DNAJC27: variants seen among roughly 807,000 people sequenced by gnomAD.
The protein encoded by DNAJC27 is dnaJ homolog subfamily C member 27.
A neutral mutation model predicts 31.4 loss-of-function variants in DNAJC27; 25 were observed. The observed-to-expected ratio is 0.80, with a 90% CI of 0.58 to 1.11. The LOEUF is 1.11. DNAJC27 is among the 50% of genes most tolerant of loss of function. The pLI, the probability that DNAJC27 is intolerant of heterozygous loss-of-function variation, is 0.00. For missense variants in DNAJC27, 356 were observed against 347.3 expected, an observed-to-expected ratio of 1.02 and a Z score of -0.20; for synonymous variants, 106 against 112.7, an observed-to-expected ratio of 0.94 and a Z score of 0.37.
chr2:24,969,795 A>G (rs537438949), intron 1 of DNAJC27, among the ~76,000 whole-genome samples: 1 of 152,296 alleles, frequency 6.6e-6, no homozygotes, highest in African/African-American at 2.4e-5. Flanking sequence ...ATATTTTTAA[A>G]TGGCTGATAC....
At chr2:24,949,745 G>A (rs1490356857) in intron 6 of DNAJC27, among the ~76,000 whole-genome samples, 1 of 152,106 alleles carries the variant, frequency 6.6e-6, no homozygotes, top group East Asian at 1.9e-4. Context: ...GGAGCCCTAA[G>A]TTTCTTCTTT....
intron 5 of DNAJC27, 23 bp from the exon 6 acceptor site, chr2:24,951,577 A>G: frequency 6.3e-7 from 1 of 1,583,436 alleles, no homozygotes; most frequent in Non-Finnish European, 8.6e-7. Flanking sequence ...AACATAACCC[A>G]GGGTAGAAAT....
chr2:24,971,653 G>A (rs12105953), intron 1 of DNAJC27, 165 bp downstream of exon 1: 5,557 of 548,896 alleles, frequency 0.01, 171 homozygotes, highest in African/African-American at 0.081. Flanking sequence ...GGTCAAAAAG[G>A]TCGGGGAGTT....
intron 5 of DNAJC27, chr2:24,953,613 C>A (rs545185090): frequency 3.9e-4 from 175 of 445,636 alleles, no homozygotes; most frequent in Middle Eastern, 2.2e-3. Context: ...CTAATTTATC[C>A]ATTAGTTCTA....
At chr2:24,967,442 T>C (rs1437153129) in intron 1 of DNAJC27, 149 bp from the exon 2 acceptor site, 9 of 634,154 alleles carry the variant, frequency 1.4e-5, no homozygotes, top group Non-Finnish European at 2.5e-5. Flanking sequence ...GGCTCACGCC[T>C]GTCATCTCAG....
At position 24,971,850 on chromosome 2, in the gene DNAJC27, CTT is replaced by C. The variant is rs760653495; in HGVS notation, c.53_54del (p.Lys18SerfsTer20). On this transcript the variant is annotated frameshift_variant, in exon 1 of 7. Coordinates refer to ENST00000264711, the MANE Select transcript of DNAJC27 (RefSeq NM_016544.3). LOFTEE classifies it high-confidence loss of function. ...RKEPGRSLRI[K>X]VISMGNAEVG... The stretch of plus-strand genomic sequence containing the variant: ...ACTTCGGCGTTGCCCATGGAGATGA[CTT>C]TGATGCGGAGAGACCTGCCGGGCTC... The C allele has an allele frequency of 3.5e-5, 57 of 1,609,442 alleles. No homozygotes were observed. The highest frequency in any genetic ancestry group is 4.8e-5 in the Non-Finnish European group (56 of 1,178,342).
At chr2:24,951,849 C>A (rs1304191399) in intron 5 of DNAJC27, among the ~76,000 whole-genome samples, 4 of 152,082 alleles carry the variant, frequency 2.6e-5, no homozygotes, top group African/African-American at 7.2e-5. Context: ...TGGCTCACAC[C>A]TGTAATCCCA....
At chr2:24,965,896 T>G (rs1429307834) in intron 2 of DNAJC27, among the ~76,000 whole-genome samples, 1 of 152,152 alleles carries the variant, frequency 6.6e-6, no homozygotes, top group African/African-American at 2.4e-5. Context: ...ACAATAAATA[T>G]TTATTGAGTA....
intron 6 of DNAJC27, among the ~76,000 whole-genome samples, chr2:24,948,627 G>A (rs969466461): frequency 6.6e-6 from 1 of 152,160 alleles, no homozygotes; most frequent in South Asian, 2.1e-4. Context: ...CCAATCCGGC[G>A]GTTCCGATAA....
chr2:24,965,709 C>T (rs1666164680), intron 2 of DNAJC27, among the ~76,000 whole-genome samples: 1 of 152,196 alleles, frequency 6.6e-6, no homozygotes, highest in Non-Finnish European at 1.5e-5. Flanking sequence ...GAGTTTTACT[C>T]TACCATTTAC....
intron 2 of DNAJC27, 129 bp downstream of exon 2, chr2:24,967,082 T>C: frequency 1.4e-6 from 1 of 703,474 alleles, no homozygotes; most frequent in Non-Finnish European, 2.5e-6. Context: ...TATTCCTATC[T>C]TTCCCAACTT....
chr2:24,949,279 G>A (rs986509256), intron 6 of DNAJC27, among the ~76,000 whole-genome samples: 6 of 152,120 alleles, frequency 3.9e-5, no homozygotes, highest in East Asian at 1.9e-4. Flanking sequence ...CAAAGACCCC[G>A]TGTCCTTGAG....
rs1446595837 is a variant in DNAJC27, at chr2:24,947,609, G to C, written c.*7C>G. On this transcript the variant is annotated 3_prime_UTR_variant, in exon 7 of 7. Coordinates refer to ENST00000264711, the MANE Select transcript of DNAJC27 (RefSeq NM_016544.3). ...TGAGTCCCACATGTGGCTTTTTTCT[G>C]TACTTTCTACTTGATGTTTTTCAGG... 8 of 1,596,236 alleles carry C rather than the reference G, an allele frequency of 5.0e-6. No homozygotes were observed. The Admixed American group carries it at 1.4e-4, about 27-fold the overall frequency.
intron 3 of DNAJC27, chr2:24,958,595 T>A: frequency 2.4e-6 from 1 of 414,172 alleles, no homozygotes; most frequent in Non-Finnish European, 5.0e-6. Flanking sequence ...CGTCTCAGTT[T>A]CCTCATCTGT....
intron 5 of DNAJC27, 98 bp downstream of exon 5, chr2:24,956,945 T>C (rs944174729): frequency 2.9e-6 from 4 of 1,398,016 alleles, no homozygotes; most frequent in Middle Eastern, 1.8e-4. Flanking sequence ...CTTATTCTAA[T>C]GAGAAATTCC....
intron 1 of DNAJC27, 122 bp downstream of exon 1, chr2:24,971,696 C>G (rs1478223871): frequency 3.7e-6 from 3 of 817,192 alleles, no homozygotes; most frequent in African/African-American, 3.6e-5. Flanking sequence ...CGGCTGAGAC[C>G]CGGGCCTGCT....
chr2:24,951,443 T>C lies in DNAJC27; in HGVS notation c.640A>G (p.Asn214Asp), dbSNP rs750835076. The change falls in exon 6 of 7, where the codon AAT (asparagine) becomes GAT (aspartate). Residue 214 changes from asparagine to aspartate, a missense_variant. Coordinates refer to ENST00000264711, the MANE Select transcript of DNAJC27 (RefSeq NM_016544.3). ...EQADAIRRIR[N>D]SKDSWDMLGV... ...AGCATGTCCCAACTGTCTTTACTAT[T>C]TCGAATTCTGCGAATGGCATCTGCT... The C allele has an allele frequency of 1.6e-5, 26 of 1,613,826 alleles. No individual in the cohort carries two copies. The highest frequency in any genetic ancestry group is 1.7e-6 in the Non-Finnish European group (2 of 1,179,902).
chr2:24,969,500 T>C (rs1666272507), intron 1 of DNAJC27: 1 of 170,896 alleles, frequency 5.9e-6, no homozygotes, highest in African/African-American at 2.4e-5. Context: ...TTTTTCTTTT[T>C]AGAGTCTCAC....
chr2:24,959,834 T>C (rs915974420), intron 3 of DNAJC27, among the ~76,000 whole-genome samples: 11 of 152,342 alleles, frequency 7.2e-5, no homozygotes, highest in African/African-American at 2.2e-4. Flanking sequence ...TACTGTTTTG[T>C]ACTTTCATAG....
Sources: allele counts gnomAD v4.1 joint callset (sites outside exome capture counted in the v4.1 genomes callset), GRCh38; gene constraint gnomAD v4.1.1; transcripts MANE v1.5; gene names NCBI Gene and HGNC (gene_info 2026-07-23, HGNC 2026-07-21).